EXT2: variants seen among roughly 807,000 people sequenced by gnomAD.
EXT2 encodes the protein exostosin glycosyltransferase 2.
A neutral mutation model predicts 81.6 loss-of-function variants in EXT2; 53 were observed. The observed-to-expected ratio is 0.65, with a 90% CI of 0.52 to 0.82. The LOEUF (loss-of-function observed/expected upper bound fraction) is 0.82, where lower values mean the gene tolerates loss of function less well. Among genes scored for constraint, EXT2 ranks in the 40% least tolerant of loss-of-function variants. The pLI is 0.00. For missense variants in EXT2, 774 were observed against 910.2 expected (o/e 0.85, Z 1.93); for synonymous variants, 320 against 340.0 (o/e 0.94, Z 0.65).
At chr11:44,187,183 G>T (rs1302959219) in intron 8 of EXT2, among the ~76,000 whole-genome samples, 2 of 151,464 alleles carry the variant, frequency 1.3e-5, no homozygotes, top group Non-Finnish European at 2.9e-5. Context: ...GATTATAGGT[G>T]TGCACCACAT....
At chr11:44,182,762 C>T (rs999165339) in intron 8 of EXT2, among the ~76,000 whole-genome samples, 7 of 152,140 alleles carry the variant, frequency 4.6e-5, no homozygotes, top group Non-Finnish European at 8.8e-5. Context: ...TGATTGAAAT[C>T]GTCAAGACAT....
intron 6 of EXT2, 75 bp downstream of exon 6, chr11:44,127,030 G>A (rs147011065): frequency 6.4e-7 from 1 of 1,554,896 alleles, no homozygotes; most frequent in Non-Finnish European, 8.9e-7. Context: ...TCAGGTCATT[G>A]TAATGTATAC....
chr11:44,197,186 T>C (rs79404576), intron 8 of EXT2, among the ~76,000 whole-genome samples: 510 of 147,568 alleles, frequency 3.5e-3, no homozygotes, highest in African/African-American at 0.012. Context: ...GAAGAGTCGT[T>C]TTTCTGGCTG....
rs772448029 is a variant in EXT2, at chr11:44,108,111, G to C, written c.399G>C (p.Leu133=). The C allele has an allele frequency of 6.2e-7, 1 of 1,614,142 alleles. No homozygotes were observed. The highest frequency in any genetic ancestry group is 8.5e-7 in the Non-Finnish European group (1 of 1,180,016). ...SNTISREYNE[L]LMAISDSDYY... ...CCATCTCCCGGGAGTATAATGAACT[G>C]CTCATGGCCATCTCAGACAGTGACT... The change falls in exon 2 of 14, where the codon CTG becomes CTC. Residue 133 remains leucine, a synonymous_variant. Coordinates refer to ENST00000533608, the MANE Select transcript of EXT2 (RefSeq NM_207122.2).
At chr11:44,108,373 G>T in intron 2 of EXT2, 125 bp downstream of exon 2, 1 of 1,053,988 alleles carries the variant, frequency 9.5e-7, no homozygotes, top group Non-Finnish European at 1.4e-6. Flanking sequence ...TCTTCTTGCA[G>T]GACGGGGTGT....
At position 44,195,133 on chromosome 11, in the gene EXT2, T is replaced by A. The variant is rs144003884; in HGVS notation, c.1306-2696T>A. On this transcript the variant is annotated intron_variant, in intron 8 of 13. Coordinates refer to ENST00000533608, the MANE Select transcript of EXT2 (RefSeq NM_207122.2). ...ATGTCATGGAAACAGAAGATCAACA[T>A]TGAAAAGATGGCCTTTCCTGGCCGG... 1.9e-3 allele frequency among the ~76,000 whole-genome samples: 292 copies of A among 152,258 alleles called. 2 individuals carry two copies. Among genetic ancestry groups the A allele is most frequent in the African/African-American group, 6.5e-3 (269 of 41,534 alleles).
chr11:44,150,091 G>A (rs1428165789), intron 7 of EXT2, among the ~76,000 whole-genome samples: 2 of 151,882 alleles, frequency 1.3e-5, no homozygotes, highest in Non-Finnish European at 2.9e-5. Flanking sequence ...CAGCACCAGG[G>A]AAATGGGATT....
At chr11:44,227,567 T>A (rs1383783162) in intron 10 of EXT2, among the ~76,000 whole-genome samples, 2 of 152,244 alleles carry the variant, frequency 1.3e-5, no homozygotes, top group Non-Finnish European at 2.9e-5. Context: ...TCTGGTCCAC[T>A]TTCTATAGGA....
chr11:44,148,622 A>G (rs1435341235), intron 7 of EXT2, among the ~76,000 whole-genome samples: 1 of 152,214 alleles, frequency 6.6e-6, no homozygotes, highest in East Asian at 1.9e-4. Context: ...AAATAAATTA[A>G]TACAGGTAAA....
At chr11:44,223,319 A>T (rs1011839564) in intron 10 of EXT2, among the ~76,000 whole-genome samples, 2 of 152,238 alleles carry the variant, frequency 1.3e-5, no homozygotes, top group Non-Finnish European at 2.9e-5. Context: ...CTCACATGAA[A>T]ACCTATATGT....
chr11:44,121,264 A>G (rs1954312296), intron 4 of EXT2, among the ~76,000 whole-genome samples: 1 of 152,246 alleles, frequency 6.6e-6, no homozygotes, highest in Admixed American at 6.5e-5. Flanking sequence ...TGTCTAAAAT[A>G]GAACTTTATT....
Position 44,220,047 on chromosome 11 carries a change from A to G in EXT2, c.1663-12306A>G, listed in dbSNP as rs898086280. 6.6e-6 allele frequency among the ~76,000 whole-genome samples: 1 copy of G among 152,168 alleles called. No homozygotes were observed. The highest frequency in any genetic ancestry group is 2.4e-5 in the African/African-American group (1 of 41,438). On this transcript the variant is annotated intron_variant, in intron 10 of 13. Transcript: ENST00000533608. The surrounding 1 kb of genome is among the most constrained non-coding windows in gnomAD (Gnocchi z 4.4). Reference sequence around the variant, plus strand: ...CTTATCTGGATGGTGGCCTGTATCCAGAGTGCAGTGTGGATCCAGTCTAGT... The same window carrying G: ...CTTATCTGGATGGTGGCCTGTATCCGGAGTGCAGTGTGGATCCAGTCTAGT...
chr11:44,218,440 A>T (rs1229552466), intron 10 of EXT2, among the ~76,000 whole-genome samples: 1 of 152,162 alleles, frequency 6.6e-6, no homozygotes, highest in Non-Finnish European at 1.5e-5. Flanking sequence ...GCAGGCTGAG[A>T]GGTCAACTGA....
At chr11:44,148,019 A>T (rs1187935117) in intron 7 of EXT2, among the ~76,000 whole-genome samples, 1 of 152,098 alleles carries the variant, frequency 6.6e-6, no homozygotes, top group African/African-American at 2.4e-5. Flanking sequence ...GCCAGCAGTC[A>T]TGTGCATCTG....
At chr11:44,234,535 AGCT>A (rs1955938579) in intron 12 of EXT2, among the ~76,000 whole-genome samples, 1 of 152,028 alleles carries the variant, frequency 6.6e-6, no homozygotes, top group Non-Finnish European at 1.5e-5. Context: ...ATATTCTCAA[AGCT>A]GATATGGGTT....
chr11:44,196,472 G>C (rs1955457427), intron 8 of EXT2, among the ~76,000 whole-genome samples: 1 of 151,986 alleles, frequency 6.6e-6, no homozygotes, highest in Non-Finnish European at 1.5e-5. Context: ...CTATTAAATA[G>C]ATGTTGGACC....
chr11:44,246,406 A>G lies in EXT2; in HGVS notation c.*2119A>G, dbSNP rs1422672094. Among the ~76,000 whole-genome samples the G allele has an allele frequency of 2.0e-4, 31 of 152,096 alleles. No individual in the cohort carries two copies. Among genetic ancestry groups the G allele is most frequent in the Admixed American group, 2.0e-3 (31 of 15,270 alleles). Reference sequence around the variant, plus strand: ...TAAATTTTTATTTTTTAAAATCTTGAGAGTCCTTTGATTTGGGAAGAGGAA... The same window carrying G: ...TAAATTTTTATTTTTTAAAATCTTGGGAGTCCTTTGATTTGGGAAGAGGAA... On this transcript the variant is annotated 3_prime_UTR_variant, in exon 14 of 14. Coordinates refer to ENST00000533608, the MANE Select transcript of EXT2 (RefSeq NM_207122.2).
intron 4 of EXT2, among the ~76,000 whole-genome samples, chr11:44,124,543 C>A: frequency 6.6e-6 from 1 of 151,900 alleles, no homozygotes; most frequent in East Asian, 1.9e-4. Context: ...ATATCAAGAA[C>A]TGTTCCCAAA....
chr11:44,152,343 GGTTGTT>G lies in EXT2; in HGVS notation c.1174-19249_1174-19244del, dbSNP rs550068887. On this transcript the variant is annotated intron_variant, in intron 7 of 13. Transcript: ENST00000533608. ...AAGTTATCATCTAGGAGTTTTATAG[GGTTGTT>G]GTTGTTGTTGTTGTTGTTTTTGAGA... is the stretch of plus-strand genomic sequence containing the variant. Among the ~76,000 whole-genome samples the G allele has an allele frequency of 7.2e-5, 11 of 151,890 alleles. No homozygotes were observed. The South Asian group carries it at 1.5e-3, about 20-fold the overall frequency.
Sources: gnomAD v4.1 joint callset for allele counts (sites outside exome capture counted in the v4.1 genomes callset) on GRCh38, gnomAD v4.1.1 for gene constraint, Gnocchi (gnomAD v3.1) non-coding constraint, MANE v1.5 for transcripts, NCBI Gene and HGNC (gene_info 2026-07-23, HGNC 2026-07-21) for gene names.